KAZN: variants seen among roughly 807,000 people sequenced by gnomAD.
The protein encoded by KAZN is kazrin, periplakin interacting protein, also known as kazrin.
KAZN carries 40 observed loss-of-function variants against 87.4 expected under a neutral mutation model. The observed-to-expected ratio is 0.46, with a 90% CI of 0.36 to 0.60. KAZN has a LOEUF of 0.60. Ranked by LOEUF, KAZN falls within the 20% of genes least tolerant of loss-of-function variation. KAZN has a pLI of 0.00. For missense variants in KAZN, 898 were observed against 1,073.9 expected (o/e 0.84, Z 2.29); for synonymous variants, 466 against 458.3 (o/e 1.02, Z -0.22).
At chr1:15,107,756 T>C (rs1343103628) in intron 13 of KAZN, among the ~76,000 whole-genome samples, 3 of 152,194 alleles carry the variant, frequency 2.0e-5, no homozygotes, top group Non-Finnish European at 4.4e-5. Flanking sequence ...GGCTGCAATG[T>C]GGTTTCGAGC....
chr1:14,851,761 G>A (rs966344991), intron 1 of KAZN, among the ~76,000 whole-genome samples: 19 of 152,184 alleles, frequency 1.2e-4, no homozygotes, highest in Non-Finnish European at 4.4e-5. Flanking sequence ...GCAGAACAGC[G>A]CCCAATACAT....
intron 1 of KAZN, among the ~76,000 whole-genome samples, chr1:14,078,298 G>A (rs536840338): frequency 6.6e-5 from 10 of 152,176 alleles, no homozygotes; most frequent in South Asian, 4.2e-4. Context: ...TGCTTATCCC[G>A]CTAGATCTAA....
At chr1:14,517,826 G>C (rs1437493144) in intron 2 of KAZN, among the ~76,000 whole-genome samples, 1 of 152,218 alleles carries the variant, frequency 6.6e-6, no homozygotes, top group African/African-American at 2.4e-5. Flanking sequence ...CAACAGCAGT[G>C]AAGTGGATGG....
At chr1:15,068,953 G>A (rs1419125230) in intron 8 of KAZN, among the ~76,000 whole-genome samples, 1 of 151,944 alleles carries the variant, frequency 6.6e-6, no homozygotes, top group Admixed American at 6.6e-5. Context: ...GGATTGGGAA[G>A]GCCAGGAAAG....
intron 1 of KAZN, among the ~76,000 whole-genome samples, chr1:14,065,713 C>T (rs554332260): frequency 3.9e-5 from 6 of 152,174 alleles, no homozygotes; most frequent in Admixed American, 1.3e-4. Context: ...ATGCAAGGGG[C>T]GGGCCTGGCA....
chr1:14,924,760 T>C lies in KAZN; in HGVS notation c.227-35924T>C, dbSNP rs550472500. 3.1e-3 allele frequency among the ~76,000 whole-genome samples: 469 copies of C among 152,038 alleles called. 1 individual carries two copies. The highest frequency in any genetic ancestry group is 0.01 in the African/African-American group (435 of 41,506). On this transcript the variant is annotated intron_variant, in intron 1 of 14. Coordinates refer to ENST00000376030, the MANE Select transcript of KAZN (RefSeq NM_201628.3). ...GCGTGCGGGACGCAGAGTGAGTTCC[T>C]CGGCGTGGGGACCGGGGCTCGGGGG...
intron 2 of KAZN, among the ~76,000 whole-genome samples, chr1:14,419,728 C>T (rs920616033): frequency 8.5e-5 from 13 of 152,068 alleles, no homozygotes; most frequent in Admixed American, 3.9e-4. Context: ...CAGACCTCCG[C>T]GGTGAGCGTT....
chr1:15,032,620 G>T (rs1488274393), intron 2 of KAZN, among the ~76,000 whole-genome samples: 7 of 152,016 alleles, frequency 4.6e-5, no homozygotes, highest in Non-Finnish European at 8.8e-5. Flanking sequence ...TTATCCATGG[G>T]TTTCACATCT....
chr1:14,743,705 T>C (rs1317370729), intron 1 of KAZN, among the ~76,000 whole-genome samples: 1 of 152,110 alleles, frequency 6.6e-6, no homozygotes, highest in Non-Finnish European at 1.5e-5. Flanking sequence ...CAGCAGATTG[T>C]CTGGTGGGGT....
At chr1:14,681,737 C>A (rs1340213703) in intron 1 of KAZN, among the ~76,000 whole-genome samples, 2 of 121,372 alleles carry the variant, frequency 1.6e-5, no homozygotes, top group African/African-American at 3.2e-5. Flanking sequence ...AGTGCAGTGG[C>A]GCAATCTTGG....
At chr1:14,039,398 C>T (rs1641704694) in intron 1 of KAZN, among the ~76,000 whole-genome samples, 1 of 152,164 alleles carries the variant, frequency 6.6e-6, no homozygotes, top group Non-Finnish European at 1.5e-5. Flanking sequence ...GGCAAATTGT[C>T]AAGTGCTGTA....
chr1:14,451,534 ACC>A (rs1667274932), intron 2 of KAZN, among the ~76,000 whole-genome samples: 2 of 152,002 alleles, frequency 1.3e-5, no homozygotes, highest in Non-Finnish European at 2.9e-5. Context: ...GAGAAACAGA[ACC>A]CACCTATGTT....
In KAZN at chr1:14,736,254, GGTGTGTGTGTGTGT is replaced by G. The variant is rs528070001; in HGVS notation, c.226+137064_226+137077del. ...TGTTGGGGCTCATGTGGGACTCAAG[GGTGTGTGTGTGTGT>G]GTGTGTGTGTGTGTGTGTGTGTGTG... is the stretch of plus-strand genomic sequence containing the variant. On this transcript the variant is annotated intron_variant, in intron 1 of 14. Transcript: ENST00000376030. Among the ~76,000 whole-genome samples the G allele has an allele frequency of 3.6e-3, 419 of 115,312 alleles. 4 individuals are homozygous for G. The highest frequency in any genetic ancestry group is 2.5e-3 in the Admixed American group (27 of 10,816). 75.6% of individuals were successfully genotyped at this position (115,312 alleles called of 152,430 possible).
At chr1:14,120,317 C>T (rs143124538) in intron 1 of KAZN, among the ~76,000 whole-genome samples, 4 of 152,158 alleles carry the variant, frequency 2.6e-5, no homozygotes, top group African/African-American at 4.8e-5. Context: ...AACCAGGTCT[C>T]GTGAGAACTC....
Position 13,942,863 on chromosome 1 carries a change from TGGG to T in KAZN, c.91+49108_91+49110del, listed in dbSNP as rs1640992134. On this transcript the variant is annotated intron_variant, in intron 1 of 16. Coordinates refer to the KAZN transcript ENST00000636203. ...CTTTAGCTAAAATTAATTCAATATATGGGTTTAACAACAGATTAGACACAACAG... is the reference window on the plus strand; with the variant it reads ...CTTTAGCTAAAATTAATTCAATATATTTTAACAACAGATTAGACACAACAG... Among the ~76,000 whole-genome samples the T allele has an allele frequency of 4.6e-5, 7 of 152,314 alleles. No individual in the cohort carries two copies. The South Asian group carries it at 1.2e-3, about 27-fold the overall frequency.
chr1:14,295,691 C>T (rs570032679), intron 2 of KAZN, among the ~76,000 whole-genome samples: 8 of 152,254 alleles, frequency 5.3e-5, no homozygotes, highest in East Asian at 1.9e-4. Context: ...CACACACATG[C>T]GCAGATACAC....
intron 2 of KAZN, among the ~76,000 whole-genome samples, chr1:14,492,211 A>G (rs1669685194): frequency 6.6e-6 from 1 of 152,030 alleles, no homozygotes; most frequent in African/African-American, 2.4e-5. Context: ...GCCCAAGAAG[A>G]GTGAATCTGA....
chr1:14,564,627 A>G (rs1264800285), intron 2 of KAZN, among the ~76,000 whole-genome samples: 1 of 147,890 alleles, frequency 6.8e-6, no homozygotes, highest in African/African-American at 2.5e-5. Flanking sequence ...AAGATGGTGA[A>G]ACCCTGTCTC....
Position 14,249,053 on chromosome 1 carries a change from A to G in KAZN, c.249+68461A>G, listed in dbSNP as rs1649772669. 3.3e-5 allele frequency among the ~76,000 whole-genome samples: 5 copies of G among 152,320 alleles called. No homozygotes were observed. In the South Asian group the frequency reaches 1.0e-3, roughly 32 times the overall value. Reference sequence around the variant, plus strand: ...AGATATATGAGTAAAGAGACTCTCCATTATTTCAATGGCAAATGATTTACA... The same window carrying G: ...AGATATATGAGTAAAGAGACTCTCCGTTATTTCAATGGCAAATGATTTACA... On this transcript the variant is annotated intron_variant, in intron 2 of 16. Coordinates refer to the KAZN transcript ENST00000636203.
Sources: allele counts gnomAD v4.1 joint callset (sites outside exome capture counted in the v4.1 genomes callset), GRCh38; gene constraint gnomAD v4.1.1; transcripts MANE v1.5; gene names NCBI Gene and HGNC (gene_info 2026-07-23, HGNC 2026-07-21).